The following TANC2 variants were observed in gnomAD, a reference collection of about 807,000 sequenced individuals.
The protein encoded by TANC2 is tetratricopeptide repeat, ankyrin repeat and coiled-coil containing 2.
A neutral mutation model predicts 210.5 loss-of-function variants in TANC2; 26 were observed. The observed-to-expected ratio is 0.12, with a 90% CI of 0.09 to 0.17. The LOEUF is 0.17. Ranked by LOEUF, TANC2 falls within the 10% of genes least tolerant of loss-of-function variation. The probability of loss-of-function intolerance (pLI) is 1.00; values close to 1 mark genes in which losing one functional copy is unlikely to be tolerated. For missense variants in TANC2, 2,129 were observed against 2,608.9 expected (o/e 0.82, Z 4.01); for synonymous variants, 931 against 967.1 (o/e 0.96, Z 0.69).
At chr17:63,228,019 A>G (rs1448561436) in intron 7 of TANC2, among the ~76,000 whole-genome samples, 1 of 152,086 alleles carries the variant, frequency 6.6e-6, no homozygotes, top group South Asian at 2.1e-4. Flanking sequence ...GTGCACCACC[A>G]TGCCCAGCTA....
chr17:63,268,249 A>G (rs1008858322), intron 9 of TANC2, among the ~76,000 whole-genome samples: 2 of 150,692 alleles, frequency 1.3e-5, no homozygotes, highest in African/African-American at 2.4e-5. Flanking sequence ...GCTGATCATA[A>G]TGTACAGGTT....
intron 9 of TANC2, among the ~76,000 whole-genome samples, chr17:63,297,642 G>T (rs909454930): frequency 1.3e-5 from 2 of 152,058 alleles, no homozygotes; most frequent in African/African-American, 4.8e-5. Context: ...CATGACCTTA[G>T]ATTGGGCAAA....
At chr17:63,343,752 C>T (rs2046313065) in intron 12 of TANC2, among the ~76,000 whole-genome samples, 1 of 151,884 alleles carries the variant, frequency 6.6e-6, no homozygotes, top group East Asian at 1.9e-4. Flanking sequence ...ACAACACCAG[C>T]AGGCATGGTG....
intron 9 of TANC2, among the ~76,000 whole-genome samples, chr17:63,274,224 T>TC (rs768701604): frequency 5.8e-4 from 88 of 151,956 alleles, no homozygotes; most frequent in Admixed American, 3.9e-4. Flanking sequence ...TTTTTTTTTT[T>TC]CACTCTTCAA....
chr17:63,367,865 G>A (rs1229412944), intron 14 of TANC2, among the ~76,000 whole-genome samples: 1 of 152,172 alleles, frequency 6.6e-6, no homozygotes, highest in Non-Finnish European at 1.5e-5. Context: ...TAATTCTGTA[G>A]ATAACAGGGA....
chr17:63,245,904 G>A (rs1235827145), intron 8 of TANC2, among the ~76,000 whole-genome samples: 1 of 151,470 alleles, frequency 6.6e-6, no homozygotes, highest in Admixed American at 6.6e-5. Context: ...CAGCTGCTCA[G>A]GAGACTGAGG....
At chr17:63,336,910 T>C (rs960871940) in intron 11 of TANC2, among the ~76,000 whole-genome samples, 2 of 152,216 alleles carry the variant, frequency 1.3e-5, no homozygotes, top group Admixed American at 1.3e-4. Context: ...CTATGTATGA[T>C]GACTTTCTCA....
chr17:63,135,882 C>T (rs1411846871), intron 4 of TANC2, among the ~76,000 whole-genome samples: 2 of 152,144 alleles, frequency 1.3e-5, no homozygotes, highest in African/African-American at 2.4e-5. Flanking sequence ...AACCTAATAA[C>T]GTTAAACTTA....
At chr17:63,085,789 T>C (rs1278544915) in intron 3 of TANC2, among the ~76,000 whole-genome samples, 2 of 152,186 alleles carry the variant, frequency 1.3e-5, no homozygotes, top group East Asian at 3.8e-4. Context: ...AACTTATGTG[T>C]TAGAACAATT....
intron 6 of TANC2, among the ~76,000 whole-genome samples, chr17:63,200,371 A>G (rs1202138576): frequency 6.6e-6 from 1 of 151,260 alleles, no homozygotes; most frequent in Non-Finnish European, 1.5e-5. Flanking sequence ...AAAAAAAAAA[A>G]AAAAAGAAAG....
intron 2 of TANC2, among the ~76,000 whole-genome samples, chr17:63,055,984 AAAAAAAAT>A (rs1486419841): frequency 1.7e-4 from 3 of 17,308 alleles, no homozygotes; most frequent in Admixed American, 2.2e-3. Flanking sequence ...AAAAAAAAAA[AAAAAAAAT>A]ATATATATAT....
intron 9 of TANC2, among the ~76,000 whole-genome samples, chr17:63,279,751 C>A (rs1240773141): frequency 6.6e-6 from 1 of 152,098 alleles, no homozygotes; most frequent in Non-Finnish European, 1.5e-5. Flanking sequence ...ATAGTGTTTT[C>A]AAAAATAAAC....
At chr17:63,097,159 G>A (rs2037418299) in intron 3 of TANC2, among the ~76,000 whole-genome samples, 1 of 151,676 alleles carries the variant, frequency 6.6e-6, no homozygotes, top group African/African-American at 2.4e-5. Context: ...TCCCACTTGA[G>A]CCTCCCAAGT....
At chr17:63,161,143 A>T (rs2040011600) in intron 5 of TANC2, among the ~76,000 whole-genome samples, 1 of 152,142 alleles carries the variant, frequency 6.6e-6, no homozygotes, top group Non-Finnish European at 1.5e-5. Context: ...CTTCATAACC[A>T]TTGTGAAATA....
intron 2 of TANC2, among the ~76,000 whole-genome samples, chr17:63,070,235 CTCTT>C (rs2036346868): frequency 6.6e-6 from 1 of 152,102 alleles, no homozygotes; most frequent in Non-Finnish European, 1.5e-5. Context: ...GAAAAAAAAT[CTCTT>C]TCACAGTGCA....
chr17:63,110,767 A>C (rs1263542096), intron 4 of TANC2, among the ~76,000 whole-genome samples: 1 of 152,194 alleles, frequency 6.6e-6, no homozygotes, highest in Non-Finnish European at 1.5e-5. Flanking sequence ...TTAAATTTCA[A>C]CACCTGAATT....
At chr17:63,022,965 G>C (rs1443714526) in intron 2 of TANC2, among the ~76,000 whole-genome samples, 2 of 152,368 alleles carry the variant, frequency 1.3e-5, no homozygotes, top group East Asian at 3.9e-4. Context: ...CAGTGTCTGT[G>C]TGGTGCTAAT....
At chr17:63,192,899 C>A (rs955408122) in intron 5 of TANC2, among the ~76,000 whole-genome samples, 1 of 152,100 alleles carries the variant, frequency 6.6e-6, no homozygotes, top group African/African-American at 2.4e-5. Flanking sequence ...TGTATAAATT[C>A]TCGTATCTGT....
chr17:63,300,267 C>G (rs1219912605), intron 9 of TANC2, among the ~76,000 whole-genome samples: 1 of 152,110 alleles, frequency 6.6e-6, no homozygotes, highest in Non-Finnish European at 1.5e-5. Context: ...GCTATACAGG[C>G]TCTTTTTCAG....
Sources: allele counts gnomAD v4.1 joint callset (sites outside exome capture counted in the v4.1 genomes callset), GRCh38; gene constraint gnomAD v4.1.1; transcripts MANE v1.5; gene names NCBI Gene and HGNC (gene_info 2026-07-23, HGNC 2026-07-21).